STX7: variants seen among roughly 807,000 people sequenced by gnomAD.
STX7 encodes the protein syntaxin 7, also known as syntaxin-7.
STX7 carries 34 observed loss-of-function variants against 39.6 expected under a neutral mutation model. The observed-to-expected ratio is 0.86, with a 90% confidence interval of 0.65 to 1.14. The LOEUF (loss-of-function observed/expected upper bound fraction) is 1.14, where lower values mean the gene tolerates loss of function less well. Among genes scored for constraint, STX7 ranks in the 50% most tolerant of loss-of-function variants. The pLI is 0.00. For missense variants in STX7, 284 were observed against 310.4 expected, an observed-to-expected ratio of 0.92 and a Z score of 0.64; for synonymous variants, 119 against 99.1, an observed-to-expected ratio of 1.20 and a Z score of -1.19.
chr6:132,470,747 ATG>A (rs140681581), intron 5 of STX7, 121 bp from the exon 6 acceptor site: 6,761 of 565,806 alleles, frequency 0.012, no homozygotes, highest in East Asian at 0.016. Flanking sequence ...GTCTGTGTGT[ATG>A]TGTGTGTGTG....
intron 8 of STX7, among the ~76,000 whole-genome samples, chr6:132,467,569 A>T (rs1362395434): frequency 6.6e-6 from 1 of 152,144 alleles, no homozygotes; most frequent in Non-Finnish European, 1.5e-5. Context: ...TGAATCTCCA[A>T]TGCCTAGATT....
At chr6:132,498,003 G>A (rs1284404216) in intron 2 of STX7, among the ~76,000 whole-genome samples, 3 of 152,204 alleles carry the variant, frequency 2.0e-5, no homozygotes, top group African/African-American at 7.2e-5. Flanking sequence ...TGGTTGCCTG[G>A]AGCCTTGGGT....
Position 132,495,925 on chromosome 6 carries a change from G to A in STX7, c.85+7521C>T, listed in dbSNP as rs564260088. Among the ~76,000 whole-genome samples, 116 of 152,226 alleles carry A rather than the reference G, an allele frequency of 7.6e-4. 2 individuals carry two copies. The highest frequency in any genetic ancestry group is 2.6e-3 in the African/African-American group (106 of 41,558). ...CAGAGAAACCAAAAACATCTGTTTC[G>A]ATTTTAAACTAAAGTCTATGCTGAA... On this transcript the variant is annotated intron_variant, in intron 2 of 9. Transcript: ENST00000367941.
At position 132,472,288 on chromosome 6, in the gene STX7, A is replaced by C; in HGVS notation, c.243T>G (p.Ser81Arg). ...KEFGSLPTTP[S>R]EQRQRKIQKD... is the part of the protein sequence containing the mutation. The stretch of plus-strand genomic sequence containing the variant: ...GTGTCTTAAAGCTTGATACCTGTTC[A>C]CTGGGGGTGGTGGGCAGAGATCCAA... Residue 81 changes from serine to arginine, a missense_variant, in exon 4 of 10, where the codon AGT becomes AGG. Transcript: ENST00000367941. 1 of 1,612,198 alleles carries C rather than the reference A, an allele frequency of 6.2e-7. No individual in the cohort carries two copies. Among genetic ancestry groups the C allele is most frequent in the South Asian group, 1.1e-5 (1 of 90,688 alleles).
intron 7 of STX7, among the ~76,000 whole-genome samples, chr6:132,468,952 TG>T (rs1483569182): frequency 6.6e-6 from 1 of 152,224 alleles, no homozygotes; most frequent in African/African-American, 2.4e-5. Flanking sequence ...GAACATGCAG[TG>T]GATTAGTGAA....
chr6:132,451,259 C>T lies in STX7; in HGVS notation c.*9499G>A, dbSNP rs911960679. ...TTACAGATGTGCACCACCATGCCGGCTAATTTTTGTATTTTTAGTAGAGGC... is the reference window on the plus strand; with the variant it reads ...TTACAGATGTGCACCACCATGCCGGTTAATTTTTGTATTTTTAGTAGAGGC... On this transcript the variant is annotated 3_prime_UTR_variant, in exon 10 of 10. Coordinates refer to ENST00000367941, the MANE Select transcript of STX7 (RefSeq NM_003569.3). The T allele has an allele frequency of 2.6e-5, 4 of 151,998 alleles. No individual in the cohort carries two copies. The highest frequency in any genetic ancestry group is 2.6e-4 in the Admixed American group (4 of 15,250). The allele number at this position is 151,998 out of a possible 1,614,324, so 9.4% of individuals were successfully genotyped here.
At chr6:132,494,464 G>A (rs75014361) in intron 2 of STX7, among the ~76,000 whole-genome samples, 1,565 of 152,252 alleles carry the variant, frequency 0.01, 31 homozygotes, top group African/African-American at 0.036. Context: ...AAGAATGACT[G>A]GAGGAAGCAA....
At position 132,445,932 on chromosome 6, in the gene STX7, TA is replaced by T. The variant is rs1365993101; in HGVS notation, c.*14825del. 6.6e-6 allele frequency: 1 copy of T among 152,232 alleles called. No individual in the cohort carries two copies. Among genetic ancestry groups the T allele is most frequent in the Non-Finnish European group, 1.5e-5 (1 of 68,030 alleles). The allele number at this position is 152,232 out of a possible 1,614,324, so 9.4% of individuals were successfully genotyped here. A position where few individuals can be genotyped will look rare whatever the true frequency, so the allele number is the denominator to read the frequency against. On this transcript the variant is annotated 3_prime_UTR_variant, in exon 10 of 10. Transcript: ENST00000367941. The stretch of plus-strand genomic sequence containing the variant: ...AGTAAATTTTCTTTTGAAGATTTTA[TA>T]AATTACACATGGGGTTGTTATTACA...
At chr6:132,499,180 C>T (rs553904986) in intron 2 of STX7, among the ~76,000 whole-genome samples, 1 of 152,190 alleles carries the variant, frequency 6.6e-6, no homozygotes, top group African/African-American at 2.4e-5. Flanking sequence ...ATACGCTTAC[C>T]AGAATTTCTC....
chr6:132,498,088 G>C (rs74647435), intron 2 of STX7, among the ~76,000 whole-genome samples: 2 of 152,136 alleles, frequency 1.3e-5, no homozygotes, highest in Non-Finnish European at 2.9e-5. Flanking sequence ...ATGGAGCATG[G>C]GTGGCACAAG....
In STX7 at chr6:132,457,461, TAATTGATTTATA is replaced by T. The variant is rs967897868; in HGVS notation, c.*3285_*3296del. On this transcript the variant is annotated 3_prime_UTR_variant, in exon 10 of 10. Coordinates refer to ENST00000367941, the MANE Select transcript of STX7 (RefSeq NM_003569.3). ...TACTCAGAAAAAAATGGTTTTATCT[TAATTGATTTATA>T]AATTATGTTAGGGTAGTTGTTAAAC... 2 of 152,242 alleles carry T rather than the reference TAATTGATTTATA, an allele frequency of 1.3e-5. No individual in the cohort carries two copies. The highest frequency in any genetic ancestry group is 4.8e-5 in the African/African-American group (2 of 41,468). The allele number at this position is 152,242 out of a possible 1,614,324, so 9.4% of individuals were successfully genotyped here.
rs533565318 is a variant in STX7 at position 132,449,008 on chromosome 6, T to C, written c.*11750A>G. 4.0e-5 allele frequency: 6 copies of C among 151,822 alleles called. No individual in the cohort carries two copies. In the South Asian group the frequency reaches 1.2e-3, roughly 32 times the overall value. 9.4% of individuals were successfully genotyped at this position (151,822 alleles called of 1,614,324 possible). On this transcript the variant is annotated 3_prime_UTR_variant, in exon 10 of 10. Transcript: ENST00000367941. ...TGATATACATTTTGCTTCTTGTATA[T>C]GTGGATCCACTTTTTTTTTTTTTAG...
intron 2 of STX7, among the ~76,000 whole-genome samples, chr6:132,477,295 C>A (rs1169382166): frequency 1.3e-5 from 2 of 151,986 alleles, no homozygotes; most frequent in Non-Finnish European, 2.9e-5. Context: ...CTTGAACTGC[C>A]TTATAGGGGC....
intron 1 of STX7, among the ~76,000 whole-genome samples, chr6:132,507,865 A>G (rs1775746164): frequency 6.6e-6 from 1 of 152,176 alleles, no homozygotes; most frequent in South Asian, 2.1e-4. Flanking sequence ...CTCCATATAC[A>G]TGGTTCCATT....
At position 132,447,718 on chromosome 6, in the gene STX7, A is replaced by G. The variant is rs1278890090; in HGVS notation, c.*13040T>C. 3.3e-5 allele frequency: 5 copies of G among 152,108 alleles called. No individual in the cohort carries two copies. The highest frequency in any genetic ancestry group is 3.3e-4 in the Admixed American group (5 of 15,278). 9.4% of individuals were successfully genotyped at this position (152,108 alleles called of 1,614,324 possible). A position where few individuals can be genotyped will look rare whatever the true frequency, so the allele number is the denominator to read the frequency against. On this transcript the variant is annotated 3_prime_UTR_variant, in exon 10 of 10. Transcript: ENST00000367941. Reference sequence around the variant, plus strand: ...AGGCTAATACTGATACAGCTATCCTAACCAGGTATATTTGCTTGTTTTATT... The same window carrying G: ...AGGCTAATACTGATACAGCTATCCTGACCAGGTATATTTGCTTGTTTTATT...
intron 2 of STX7, among the ~76,000 whole-genome samples, chr6:132,477,715 T>C (rs1262141929): frequency 6.6e-6 from 1 of 152,084 alleles, no homozygotes; most frequent in Non-Finnish European, 1.5e-5. Context: ...ATAACTTGGT[T>C]AAATGTTATA....
intron 2 of STX7, among the ~76,000 whole-genome samples, chr6:132,487,184 CTTCT>C (rs1270639183): frequency 2.0e-5 from 3 of 152,294 alleles, no homozygotes; most frequent in African/African-American, 7.2e-5. Flanking sequence ...AGGTTACTGA[CTTCT>C]TTTTGAGTGA....
Position 132,451,525 on chromosome 6 carries a change from A to T in STX7, c.*9233T>A, listed in dbSNP as rs1249601390. 1.3e-5 allele frequency: 2 copies of T among 152,200 alleles called. No homozygotes were observed. Among genetic ancestry groups the T allele is most frequent in the Non-Finnish European group, 2.9e-5 (2 of 68,024 alleles). The allele number at this position is 152,200 out of a possible 1,614,324, so 9.4% of individuals were successfully genotyped here. On this transcript the variant is annotated 3_prime_UTR_variant, in exon 10 of 10. Transcript: ENST00000367941. ...TTTTCAGATGAAAGAAAACTGAGAG[A>T]ATTTGTTGCCAATGGAACTACAATA...
At chr6:132,462,726 C>A (rs9483454) in intron 9 of STX7, among the ~76,000 whole-genome samples, 33,401 of 151,852 alleles carry the variant, frequency 0.22, 4,143 homozygotes, top group East Asian at 0.54. Flanking sequence ...AGATAATAAA[C>A]AGGAGTGACT....
Sources: allele counts gnomAD v4.1 joint callset (sites outside exome capture counted in the v4.1 genomes callset), GRCh38; gene constraint gnomAD v4.1.1; transcripts MANE v1.5; gene names NCBI Gene and HGNC (gene_info 2026-07-23, HGNC 2026-07-21).